The following BUD23 variants were observed in gnomAD, a reference collection of about 807,000 sequenced individuals.
BUD23 encodes 18S rRNA (guanine-N(7))-methyltransferase.
In BUD23, 34 loss-of-function variants were observed where a neutral mutation model predicts 47.0. The ratio of observed to expected loss-of-function variants is 0.72; its 90% CI spans 0.55 to 0.96. The LOEUF is 0.96. Among genes scored for constraint, BUD23 ranks in the 40% least tolerant of loss-of-function variants. BUD23 has a pLI of 0.00. For synonymous variants in BUD23, 124 were observed against 132.0 expected, an observed-to-expected ratio of 0.94 and a Z score of 0.41; for missense variants, 343 against 361.2, an observed-to-expected ratio of 0.95 and a Z score of 0.41.
chr7:73,696,046 G>T (rs1357226948), intron 10 of BUD23: 2 of 152,180 alleles, frequency 1.3e-5, no homozygotes, highest in African/African-American at 2.4e-5. Context: ...TTTTCTGAAT[G>T]AATAATTGAT....
Position 73,693,653 on chromosome 7 carries a change from C to T in BUD23, c.626C>T (p.Ser209Leu), listed in dbSNP as rs1266528723. 6 of 1,614,152 alleles carry T rather than the reference C, an allele frequency of 3.7e-6. No homozygotes were observed. Among genetic ancestry groups the T allele is most frequent in the South Asian group, 1.1e-5 (1 of 91,082 alleles). ...KFYLCLFSGP[S>L]TFIPEGLSEN... The stretch of plus-strand genomic sequence containing the variant: ...TACCTCTGCTTGTTTTCTGGGCCTT[C>T]GACCTTTATACCAGAGGTGAGGGAC... The change falls in exon 9 of 12, where the codon TCG (serine) becomes TTG (leucine). Residue 209 changes from serine to leucine, a missense_variant. Ser to Leu is a moderately radical substitution (Grantham distance 145). Transcript: ENST00000265758.
chr7:73,697,381 C>A, intron 10 of BUD23: 2 of 1,507,680 alleles, frequency 1.3e-6, no homozygotes, highest in Admixed American at 2.0e-5. Context: ...CCAGCTCTCT[C>A]CTCCTCTGCC....
chr7:73,693,903 G>A, intron 9 of BUD23, 89 bp from the exon 10 acceptor site: 1 of 1,528,394 alleles, frequency 6.5e-7, no homozygotes, highest in Non-Finnish European at 9.0e-7. Context: ...CCTGTCGGAA[G>A]GGTCAGGCCT....
At chr7:73,688,029 G>C (rs1167588436) in intron 5 of BUD23, among the ~76,000 whole-genome samples, 1 of 151,314 alleles carries the variant, frequency 6.6e-6, no homozygotes, top group Non-Finnish European at 1.5e-5. Flanking sequence ...CCAAGTACTT[G>C]GGACTGCAGG....
At chr7:73,696,094 A>G (rs1471982985) in intron 10 of BUD23, 2 of 152,258 alleles carry the variant, frequency 1.3e-5, no homozygotes, top group African/African-American at 4.8e-5. Flanking sequence ...TCTGAGGTCC[A>G]GTTGACATGA....
chr7:73,691,999 C>T (rs1189751379), intron 6 of BUD23, among the ~76,000 whole-genome samples: 4 of 152,110 alleles, frequency 2.6e-5, no homozygotes, highest in East Asian at 1.9e-4. Flanking sequence ...CTGCACCTGC[C>T]GATCTGGCCA....
chr7:73,696,604 G>C (rs1275400215), intron 10 of BUD23: 1 of 152,234 alleles, frequency 6.6e-6, no homozygotes, highest in East Asian at 1.9e-4. Flanking sequence ...CAGTTCCTCA[G>C]ATGAGGTACA....
rs369468675 is a variant in BUD23, at chr7:73,697,343, C to T, written c.702-262C>T. On this transcript the variant is annotated intron_variant, in intron 10 of 11. Transcript: ENST00000265758. ...CTTCCCGAAGAGGGAACAGACTGCT[C>T]GCTGGTGTTTAGGTCTCCATGCCCG... 438 of 1,175,082 alleles carry T rather than the reference C, an allele frequency of 3.7e-4. 1 individual carries two copies. The highest frequency in any genetic ancestry group is 5.7e-4 in the South Asian group (39 of 68,848). 72.8% of individuals were successfully genotyped at this position (1,175,082 alleles called of 1,614,324 possible).
intron 5 of BUD23, among the ~76,000 whole-genome samples, chr7:73,689,352 T>C (rs1233222756): frequency 7.1e-6 from 1 of 140,036 alleles, no homozygotes; most frequent in Non-Finnish European, 1.6e-5. Flanking sequence ...CGGCCCAGAC[T>C]TTTTTTTTTT....
intron 5 of BUD23, among the ~76,000 whole-genome samples, chr7:73,689,479 G>A (rs189243179): frequency 6.6e-6 from 1 of 152,168 alleles, no homozygotes; most frequent in African/African-American, 2.4e-5. Flanking sequence ...CATGGACCAG[G>A]CAACTGAATA....
At chr7:73,692,779 A>G in intron 7 of BUD23, 133 bp downstream of exon 7, 2 of 834,692 alleles carry the variant, frequency 2.4e-6, no homozygotes, top group Non-Finnish European at 3.7e-6. Flanking sequence ...GTGGCCCCTG[A>G]TGGCACATTT....
At chr7:73,691,627 T>A (rs1554614027) in intron 6 of BUD23, among the ~76,000 whole-genome samples, 1 of 152,170 alleles carries the variant, frequency 6.6e-6, no homozygotes, top group African/African-American at 2.4e-5. Flanking sequence ...TGAGACAGAC[T>A]TTTGCTTTGT....
At chr7:73,693,797 G>A (rs561832686) in intron 9 of BUD23, 128 bp downstream of exon 9, 2 of 1,390,718 alleles carry the variant, frequency 1.4e-6, no homozygotes, top group Non-Finnish European at 2.0e-6. Context: ...GCAGACCCTG[G>A]AGTGCTCACA....
chr7:73,691,159 C>T, intron 6 of BUD23, 147 bp downstream of exon 6: 1 of 662,118 alleles, frequency 1.5e-6, no homozygotes, highest in Non-Finnish European at 2.6e-6. Flanking sequence ...GTGGTTACTT[C>T]TGTCCAGGTC....
At chr7:73,683,973 C>T (rs1013761851) in intron 2 of BUD23, 169 bp downstream of exon 2, 10 of 1,499,324 alleles carry the variant, frequency 6.7e-6, no homozygotes, top group South Asian at 1.3e-5. Context: ...TTGCCGACCT[C>T]TCTGGGCCTC....
chr7:73,687,153 T>C, intron 5 of BUD23, 58 bp downstream of exon 5: 2 of 1,566,520 alleles, frequency 1.3e-6, no homozygotes, highest in Non-Finnish European at 1.7e-6. Flanking sequence ...ACTCTATCAC[T>C]TAGGCTCTAG....
At chr7:73,691,448 G>A (rs1563556028) in intron 6 of BUD23, among the ~76,000 whole-genome samples, 1 of 152,134 alleles carries the variant, frequency 6.6e-6, no homozygotes, top group African/African-American at 2.4e-5. Context: ...CCTCCTCCTA[G>A]TGCTGATCCT....
chr7:73,694,488 C>A (rs1382302031), intron 10 of BUD23: 1 of 158,352 alleles, frequency 6.3e-6, no homozygotes, highest in Admixed American at 6.5e-5. Flanking sequence ...TTCCTTAACC[C>A]CATAACAACA....
intron 5 of BUD23, among the ~76,000 whole-genome samples, chr7:73,690,575 T>G (rs13234498): frequency 0.36 from 54,633 of 152,046 alleles, 10,647 homozygotes; most frequent in Middle Eastern, 0.49. Context: ...ATGTCCTATT[T>G]TTCCAGTGTT....
Sources: gnomAD v4.1 joint callset for allele counts (sites outside exome capture counted in the v4.1 genomes callset) on GRCh38, gnomAD v4.1.1 for gene constraint, MANE v1.5 for transcripts, NCBI Gene and HGNC (gene_info 2026-07-23, HGNC 2026-07-21) for gene names.